Variants in LINGO2 observed in about 807,000 individuals in gnomAD.
LINGO2 encodes leucine-rich repeat and immunoglobulin-like domain-containing nogo receptor-interacting protein 2.
In LINGO2, 14 loss-of-function variants were observed where a neutral mutation model predicts 30.6. The observed-to-expected ratio is 0.46, with a 90% CI of 0.30 to 0.72. LINGO2 has a LOEUF of 0.72. Ranked by LOEUF, LINGO2 falls within the 30% of genes least tolerant of loss-of-function variation. The probability of loss-of-function intolerance (pLI) is 0.07; values close to 1 mark genes in which losing one functional copy is unlikely to be tolerated. For missense variants in LINGO2, 729 were observed against 751.7 expected (o/e 0.97, Z 0.35); for synonymous variants, 317 against 288.5 (o/e 1.10, Z -1.00).
chr9:28,692,230 T>G, the LINGO2 span, among the ~76,000 whole-genome samples: 1 of 152,090 alleles, frequency 6.6e-6, no homozygotes, highest in South Asian at 2.1e-4. Context: ...ATCCTAGCAC[T>G]TTAGGAGGTT....
the LINGO2 span, among the ~76,000 whole-genome samples, chr9:28,988,764 T>A: frequency 2.0e-5 from 3 of 152,196 alleles, no homozygotes; most frequent in African/African-American, 7.2e-5. Flanking sequence ...GAAATCCTCT[T>A]CATCTGGCAT....
the LINGO2 span, among the ~76,000 whole-genome samples, chr9:29,073,777 A>AT: frequency 6.6e-6 from 1 of 152,218 alleles, no homozygotes; most frequent in African/African-American, 2.4e-5. Context: ...AGTGTTTGCT[A>AT]TTAAAAAGCT....
At chr9:28,670,994 T>G (rs145849264), upstream of LINGO2, among the ~76,000 whole-genome samples, 1 of 152,126 alleles carries the variant, frequency 6.6e-6, no homozygotes, top group Non-Finnish European at 1.5e-5. Flanking sequence ...AAAAAAGCAT[T>G]ATTTTCTCCC....
At chr9:28,492,671 A>C (rs1334857978) in intron 1 of LINGO2, among the ~76,000 whole-genome samples, 1 of 152,162 alleles carries the variant, frequency 6.6e-6, no homozygotes, top group East Asian at 1.9e-4. Flanking sequence ...GAAAGGTTTC[A>C]GCTAAAGAGA....
chr9:28,933,668 A>G, the LINGO2 span, among the ~76,000 whole-genome samples: 1 of 152,134 alleles, frequency 6.6e-6, no homozygotes, highest in Non-Finnish European at 1.5e-5. Flanking sequence ...AAGCTTGTAT[A>G]CTTGATAACA....
chr9:28,701,374 A>T, the LINGO2 span, among the ~76,000 whole-genome samples: 1 of 151,862 alleles, frequency 6.6e-6, no homozygotes, highest in African/African-American at 2.4e-5. Flanking sequence ...TTGGCCATGG[A>T]TATCCAGTTG....
the LINGO2 span, among the ~76,000 whole-genome samples, chr9:28,889,911 T>C: frequency 6.6e-6 from 1 of 152,064 alleles, no homozygotes; most frequent in Admixed American, 6.6e-5. Flanking sequence ...TTTGCCTATG[T>C]TAGTTTGTTC....
chr9:28,055,333 G>A (rs907073768), intron 4 of LINGO2, among the ~76,000 whole-genome samples: 1 of 152,122 alleles, frequency 6.6e-6, no homozygotes, highest in Non-Finnish European at 1.5e-5. Context: ...ACAGGTACAG[G>A]TGGATGGAAA....
chr9:28,410,130 G>A (rs1822702970), intron 2 of LINGO2, among the ~76,000 whole-genome samples: 1 of 149,288 alleles, frequency 6.7e-6, no homozygotes. Context: ...AGGAGGAAGG[G>A]AAAGAGAAAG....
chr9:29,071,249 T>G, the LINGO2 span, among the ~76,000 whole-genome samples: 6 of 150,622 alleles, frequency 4.0e-5, no homozygotes, highest in African/African-American at 1.5e-4. Flanking sequence ...GGAGTGTAGT[T>G]GGCATGATCA....
the LINGO2 span, among the ~76,000 whole-genome samples, chr9:28,869,351 T>C: frequency 6.6e-6 from 1 of 151,798 alleles, no homozygotes; most frequent in Non-Finnish European, 1.5e-5. Context: ...AATTAGACAA[T>C]AAGAAAGGTC....
chr9:28,142,518 G>GA (rs1280860452), intron 4 of LINGO2, among the ~76,000 whole-genome samples: 3 of 151,452 alleles, frequency 2.0e-5, no homozygotes, highest in Non-Finnish European at 2.9e-5. Context: ...GTCTGGCTCA[G>GA]AAAAAAAATG....
At chr9:28,169,860 C>T (rs1045068390) in intron 4 of LINGO2, among the ~76,000 whole-genome samples, 5 of 152,122 alleles carry the variant, frequency 3.3e-5, no homozygotes, top group African/African-American at 9.7e-5. Context: ...TGCTTCCTTC[C>T]CAAATATCTG....
chr9:28,989,340 C>A, the LINGO2 span, among the ~76,000 whole-genome samples: 1 of 152,224 alleles, frequency 6.6e-6, no homozygotes, highest in Non-Finnish European at 1.5e-5. Context: ...TAATAAAACT[C>A]TGTGAACATA....
intron 5 of LINGO2, among the ~76,000 whole-genome samples, chr9:27,998,374 A>T (rs1821774674): frequency 6.6e-6 from 1 of 152,214 alleles, no homozygotes; most frequent in Non-Finnish European, 1.5e-5. Flanking sequence ...AAGAAGCTTC[A>T]TAGGGGGATA....
intron 4 of LINGO2, among the ~76,000 whole-genome samples, chr9:28,101,311 A>G (rs1190816540): frequency 6.6e-6 from 1 of 152,096 alleles, no homozygotes; most frequent in African/African-American, 2.4e-5. Flanking sequence ...TTGATTACTG[A>G]GTCCTGAGTT....
intron 4 of LINGO2, among the ~76,000 whole-genome samples, chr9:28,219,416 T>G (rs1820882176): frequency 6.6e-6 from 1 of 152,188 alleles, no homozygotes; most frequent in Admixed American, 6.5e-5. Context: ...TTAGAGGTTC[T>G]TTTTTAAGGT....
chr9:28,634,168 T>C (rs553080517), intron 1 of LINGO2, among the ~76,000 whole-genome samples: 80 of 152,296 alleles, frequency 5.3e-4, no homozygotes, highest in Non-Finnish European at 9.7e-4. Context: ...GTCTTACTAG[T>C]TCCCATGAAA....
chr9:28,871,962 A>G, the LINGO2 span, among the ~76,000 whole-genome samples: 1 of 152,012 alleles, frequency 6.6e-6, no homozygotes, highest in Admixed American at 6.6e-5. Context: ...TAAGTTTTGC[A>G]CCAAGATGTC....
Sources: gnomAD v4.1 joint callset for allele counts (sites outside exome capture counted in the v4.1 genomes callset) on GRCh38, gnomAD v4.1.1 for gene constraint, MANE v1.5 for transcripts, NCBI Gene and HGNC (gene_info 2026-07-23, HGNC 2026-07-21) for gene names.